Variants in MARCHF6 observed in about 807,000 individuals in gnomAD.
MARCHF6 encodes membrane associated ring-CH-type finger 6.
Under a neutral mutation model 133.7 loss-of-function variants are expected in MARCHF6, and 31 were observed. The ratio of observed to expected loss-of-function variants is 0.23; its 90% CI spans 0.17 to 0.31. The LOEUF (loss-of-function observed/expected upper bound fraction) is 0.31. Among genes scored for constraint, MARCHF6 ranks in the 10% least tolerant of loss-of-function variants. The pLI, the probability that MARCHF6 is intolerant of heterozygous loss-of-function variation, is 1.00. For missense variants in MARCHF6, 723 were observed against 1,121.6 expected (o/e 0.64, Z 5.08); for synonymous variants, 395 against 402.5 (o/e 0.98, Z 0.22).
At chr5:10,367,672 GACTTC>G in intron 1 of MARCHF6, among the ~76,000 whole-genome samples, 1 of 152,200 alleles carries the variant, frequency 6.6e-6, no homozygotes, top group East Asian at 1.9e-4. Context: ...GAAATGGGCT[GACTTC>G]CACAGTGGTG....
chr5:10,384,862 A>T (rs1737370662), intron 4 of MARCHF6, among the ~76,000 whole-genome samples: 1 of 152,240 alleles, frequency 6.6e-6, no homozygotes, highest in Admixed American at 6.5e-5. Flanking sequence ...AACTAACAGA[A>T]CAAGAACTTT....
At chr5:10,399,532 A>G (rs1239035035) in intron 10 of MARCHF6, among the ~76,000 whole-genome samples, 1 of 152,030 alleles carries the variant, frequency 6.6e-6, no homozygotes, top group Non-Finnish European at 1.5e-5. Context: ...GAATGAAGTA[A>G]AATTTAGCCA....
intron 23 of MARCHF6, 71 bp downstream of exon 23, chr5:10,423,895 T>C (rs1266311154): frequency 4.6e-6 from 5 of 1,090,566 alleles, no homozygotes; most frequent in South Asian, 2.9e-5. Context: ...GCTATAACTC[T>C]TATTTCTTAT....
intron 1 of MARCHF6, among the ~76,000 whole-genome samples, chr5:10,362,135 A>ATCAGG (rs1344066190): frequency 2.6e-5 from 4 of 152,200 alleles, no homozygotes; most frequent in African/African-American, 9.7e-5. Flanking sequence ...TAAAGATGGA[A>ATCAGG]TCAGGTTAAT....
chr5:10,403,319 T>G lies in MARCHF6; in HGVS notation c.1198-88T>G, dbSNP rs993017482. The G allele has an allele frequency of 1.5e-4, 192 of 1,320,038 alleles. No homozygotes were observed. The Admixed American group carries it at 4.1e-3, about 28-fold the overall frequency. The allele number at this position is 1,320,038 out of a possible 1,614,324, so 81.8% of individuals were successfully genotyped here. ...CTAGGAATTGTTCCTTGCATGCATA[T>G]TGATTATTTATTTCCTAGAAGATGA... is the stretch of plus-strand genomic sequence containing the variant. On this transcript the variant is annotated intron_variant, in intron 14 of 25. Coordinates refer to ENST00000274140, the MANE Select transcript of MARCHF6 (RefSeq NM_005885.4).
intron 1 of MARCHF6, among the ~76,000 whole-genome samples, chr5:10,360,174 A>C (rs1190608894): frequency 1.1e-5 from 1 of 89,828 alleles, no homozygotes; most frequent in Non-Finnish European, 2.1e-5. Flanking sequence ...TTTGAGACAG[A>C]GTTTTGCTCT....
At chr5:10,432,369 T>G (rs1740413378) in intron 25 of MARCHF6, among the ~76,000 whole-genome samples, 1 of 152,178 alleles carries the variant, frequency 6.6e-6, no homozygotes, top group Non-Finnish European at 1.5e-5. Flanking sequence ...CATGTGCAGG[T>G]TTCACTCTCC....
At position 10,436,094 on chromosome 5, in the gene MARCHF6, T is replaced by C. The variant is rs771303484; in HGVS notation, c.*2410T>C. On this transcript the variant is annotated 3_prime_UTR_variant, in exon 26 of 26. Coordinates refer to ENST00000274140, the MANE Select transcript of MARCHF6 (RefSeq NM_005885.4). ...AATTTTTCAAAGAATTTGTGGATCT[T>C]GGTATAAAGTCATTGGAACATATCT... The C allele has an allele frequency of 2.6e-5, 4 of 152,128 alleles. No individual in the cohort carries two copies. Among genetic ancestry groups the C allele is most frequent in the Admixed American group, 6.6e-5 (1 of 15,242 alleles). 9.4% of individuals were successfully genotyped at this position (152,128 alleles called of 1,614,324 possible).
intron 5 of MARCHF6, among the ~76,000 whole-genome samples, chr5:10,388,572 T>G (rs543619798): frequency 1.3e-5 from 2 of 152,220 alleles, no homozygotes; most frequent in Non-Finnish European, 2.9e-5. Context: ...GCTGAGCTTT[T>G]CATCTATTGG....
intron 22 of MARCHF6, among the ~76,000 whole-genome samples, chr5:10,423,126 C>T (rs1260731810): frequency 6.6e-6 from 1 of 151,292 alleles, no homozygotes; most frequent in Admixed American, 6.6e-5. Context: ...AAGTTACGTT[C>T]ATGATCTGAT....
intron 15 of MARCHF6, among the ~76,000 whole-genome samples, chr5:10,405,097 C>T (rs1393427183): frequency 1.3e-5 from 2 of 152,108 alleles, no homozygotes; most frequent in Admixed American, 6.5e-5. Flanking sequence ...GAGGGTAACT[C>T]AGTGAGTTTG....
chr5:10,409,428 T>G (rs532285904), intron 17 of MARCHF6, among the ~76,000 whole-genome samples: 2 of 152,270 alleles, frequency 1.3e-5, no homozygotes, highest in East Asian at 3.9e-4. Context: ...AGAAAGTAGG[T>G]GCAGTGGCAC....
At chr5:10,381,724 A>G (rs1391958375) in intron 3 of MARCHF6, 76 bp from the exon 4 acceptor site, 1 of 1,135,380 alleles carries the variant, frequency 8.8e-7, no homozygotes, top group Non-Finnish European at 1.2e-6. Context: ...AGTTTAGTTA[A>G]TGTCTATTTT....
At chr5:10,392,752 T>G (rs1737941858) in intron 7 of MARCHF6, among the ~76,000 whole-genome samples, 1 of 148,150 alleles carries the variant, frequency 6.7e-6, no homozygotes, top group African/African-American at 2.5e-5. Context: ...AGATTCCGTC[T>G]CAAGAAAAAA....
chr5:10,366,986 A>G (rs768189937), intron 1 of MARCHF6, among the ~76,000 whole-genome samples: 11 of 151,948 alleles, frequency 7.2e-5, no homozygotes, highest in Middle Eastern at 3.4e-3. Context: ...TTGATGGCAT[A>G]TCCCTTGATA....
intron 8 of MARCHF6, among the ~76,000 whole-genome samples, 189 bp downstream of exon 8, chr5:10,394,332 T>G (rs762243188): frequency 1.1e-4 from 17 of 152,242 alleles, no homozygotes; most frequent in Non-Finnish European, 1.9e-4. Flanking sequence ...GTGGCTTTTT[T>G]TGGTCTTACA....
intron 19 of MARCHF6, among the ~76,000 whole-genome samples, chr5:10,412,776 A>G (rs950524703): frequency 1.3e-5 from 2 of 152,124 alleles, no homozygotes; most frequent in Non-Finnish European, 2.9e-5. Context: ...GAGTTTTGCT[A>G]TGTAGCCCAG....
intron 1 of MARCHF6, among the ~76,000 whole-genome samples, chr5:10,359,937 C>A (rs564453662): frequency 2.0e-5 from 3 of 151,502 alleles, no homozygotes; most frequent in East Asian, 3.9e-4. Flanking sequence ...ACGTGGGAGG[C>A]GGAGCTTGCA....
chr5:10,431,738 T>A (rs1740385615), intron 25 of MARCHF6, among the ~76,000 whole-genome samples: 1 of 152,174 alleles, frequency 6.6e-6, no homozygotes, highest in South Asian at 2.1e-4. Context: ...GTCTCCTTTC[T>A]CTGCCACTGA....
Sources: gnomAD v4.1 joint callset for allele counts (sites outside exome capture counted in the v4.1 genomes callset) on GRCh38, gnomAD v4.1.1 for gene constraint, MANE v1.5 for transcripts, NCBI Gene and HGNC (gene_info 2026-07-23, HGNC 2026-07-21) for gene names.